The following ANKRD12 variants were observed in gnomAD, a reference collection of about 807,000 sequenced individuals.
ANKRD12 encodes the protein ankyrin repeat domain 12.
Under a neutral mutation model 183.4 loss-of-function variants are expected in ANKRD12, and 85 were observed. The observed-to-expected ratio is 0.46, with a 90% CI of 0.39 to 0.56. The LOEUF is 0.56. Ranked by LOEUF, ANKRD12 falls within the 20% of genes least tolerant of loss-of-function variation. The pLI is 0.00. For synonymous variants in ANKRD12, 914 were observed against 800.2 expected, an observed-to-expected ratio of 1.14 and a Z score of -2.40; for missense variants, 2,405 against 2,357.1, an observed-to-expected ratio of 1.02 and a Z score of -0.42.
chr18:9,238,284 C>T (rs765203645), intron 8 of ANKRD12, among the ~76,000 whole-genome samples: 2 of 152,180 alleles, frequency 1.3e-5, no homozygotes, highest in African/African-American at 2.4e-5. Flanking sequence ...ACCCTCTTCT[C>T]ATGCTGCATA....
rs139322809 is a variant in ANKRD12 at position 9,225,886 on chromosome 18, C to T, written c.943+3887C>T. On this transcript the variant is annotated intron_variant, in intron 8 of 12. Transcript: ENST00000262126. The stretch of plus-strand genomic sequence containing the variant: ...TGTACCCACTAACTACATTTAACAG[C>T]TGTTAATCTTTTGCTCTGTTTCCTT... Among the ~76,000 whole-genome samples, 989 of 152,088 alleles carry T rather than the reference C, an allele frequency of 6.5e-3. 7 individuals carry two copies. Among genetic ancestry groups the T allele is most frequent in the Middle Eastern group, 0.017 (5 of 294 alleles).
At chr18:9,150,306 C>T (rs997635423) in intron 1 of ANKRD12, among the ~76,000 whole-genome samples, 1 of 152,106 alleles carries the variant, frequency 6.6e-6, no homozygotes, top group African/African-American at 2.4e-5. Flanking sequence ...CTGTCTGAAG[C>T]ACTCCGTTAC....
chr18:9,185,628 ATATGTAGAAAG>A (rs986343321), intron 2 of ANKRD12, among the ~76,000 whole-genome samples: 1 of 152,218 alleles, frequency 6.6e-6, no homozygotes, highest in African/African-American at 2.4e-5. Flanking sequence ...ATATATGAGG[ATATGTAGAAAG>A]TATGGAGAAG....
At chr18:9,234,960 G>A (rs2037260683) in intron 8 of ANKRD12, among the ~76,000 whole-genome samples, 2 of 152,152 alleles carry the variant, frequency 1.3e-5, no homozygotes, top group Admixed American at 6.5e-5. Flanking sequence ...TCTCAGACAA[G>A]TAGGCTGCTT....
chr18:9,256,016 G>A lies in ANKRD12; in HGVS notation c.2749G>A (p.Glu917Lys). Reference protein sequence around the residue: ...MDRKHDKEKPEKERHLAESKE... With the variant: ...MDRKHDKEKPKKERHLAESKE... ...TAGGAAACATGACAAAGAAAAGCCT[G>A]AAAAAGAGAGGCATCTAGCAGAAAG... Residue 917 changes from glutamate to lysine, a missense_variant, in exon 9 of 13, where the codon GAA becomes AAA. By Grantham distance (56) the Glu-to-Lys change is moderately conservative. Coordinates refer to ENST00000262126, the MANE Select transcript of ANKRD12 (RefSeq NM_015208.5). The A allele has an allele frequency of 1.3e-6, 2 of 1,557,672 alleles. No individual in the cohort carries two copies. The highest frequency in any genetic ancestry group is 2.3e-5 in the East Asian group (1 of 43,720).
At chr18:9,182,334 C>CTTCAGGTAGGTG in intron 1 of ANKRD12, 48 bp from the exon 2 acceptor site, 1 of 507,656 alleles carries the variant, frequency 2.0e-6, no homozygotes, top group Non-Finnish European at 3.2e-6. Flanking sequence ...TGGTGCGTAA[C>CTTCAGGTAGGTG]CTATTGTATA....
intron 1 of ANKRD12, among the ~76,000 whole-genome samples, chr18:9,174,188 A>G (rs1389771477): frequency 6.6e-6 from 1 of 152,208 alleles, no homozygotes; most frequent in African/African-American, 2.4e-5. Flanking sequence ...AACTGCAGAA[A>G]TGGCAGCCGC....
At chr18:9,193,270 C>G (rs1417367350) in intron 2 of ANKRD12, among the ~76,000 whole-genome samples, 1 of 151,792 alleles carries the variant, frequency 6.6e-6, no homozygotes, top group Non-Finnish European at 1.5e-5. Flanking sequence ...TCCCAAGTAG[C>G]TAGGAACACA....
intron 10 of ANKRD12, among the ~76,000 whole-genome samples, chr18:9,266,165 G>A (rs1311152089): frequency 1.3e-5 from 2 of 152,206 alleles, no homozygotes; most frequent in African/African-American, 4.8e-5. Flanking sequence ...GTGACGGGGA[G>A]AATGGAACCA....
intron 2 of ANKRD12, among the ~76,000 whole-genome samples, chr18:9,190,526 C>T (rs983793085): frequency 6.6e-6 from 1 of 152,160 alleles, no homozygotes; most frequent in East Asian, 1.9e-4. Context: ...AAAAGAAGTT[C>T]TGTGGGTAAG....
rs138636942 is a variant in ANKRD12, at chr18:9,173,134, A to G, written c.-51-9248A>G. Reference sequence around the variant, plus strand: ...ACCCAGGCTGGAGTGCAGTGGCACAATCTTGGCTCACTGCAACCTCCGCCT... The same window carrying G: ...ACCCAGGCTGGAGTGCAGTGGCACAGTCTTGGCTCACTGCAACCTCCGCCT... On this transcript the variant is annotated intron_variant, in intron 1 of 12. Transcript: ENST00000262126. Among the ~76,000 whole-genome samples the G allele has an allele frequency of 6.2e-3, 930 of 151,004 alleles. 8 individuals carry two copies. Among genetic ancestry groups the G allele is most frequent in the African/African-American group, 0.021 (871 of 40,910 alleles).
chr18:9,138,986 A>T (rs942154930), intron 1 of ANKRD12, among the ~76,000 whole-genome samples: 1 of 152,136 alleles, frequency 6.6e-6, no homozygotes, highest in East Asian at 1.9e-4. Flanking sequence ...AAGTGTACTT[A>T]TGTAGGATAC....
intron 1 of ANKRD12, among the ~76,000 whole-genome samples, chr18:9,157,329 T>C (rs1413683298): frequency 6.6e-6 from 1 of 152,084 alleles, no homozygotes; most frequent in Non-Finnish European, 1.5e-5. Flanking sequence ...CCTGTCATCG[T>C]GTGGCTGACT....
intron 10 of ANKRD12, among the ~76,000 whole-genome samples, chr18:9,269,947 G>A (rs983463540): frequency 6.6e-6 from 1 of 152,208 alleles, no homozygotes; most frequent in Non-Finnish European, 1.5e-5. Context: ...CAACAAGTGG[G>A]TGAAGGATAT....
At chr18:9,192,351 A>G (rs2034504371) in intron 2 of ANKRD12, among the ~76,000 whole-genome samples, 1 of 152,180 alleles carries the variant, frequency 6.6e-6, no homozygotes, top group Non-Finnish European at 1.5e-5. Context: ...ATGAATTAAG[A>G]GGTTTTCTAT....
chr18:9,196,298 G>A (rs1260527393), intron 3 of ANKRD12, among the ~76,000 whole-genome samples: 1 of 150,966 alleles, frequency 6.6e-6, no homozygotes, highest in Non-Finnish European at 1.5e-5. Flanking sequence ...ATTGATACTT[G>A]AAATCAGCCA....
At chr18:9,138,490 G>A (rs1312619403) in intron 1 of ANKRD12, among the ~76,000 whole-genome samples, 3 of 152,174 alleles carry the variant, frequency 2.0e-5, no homozygotes, top group Non-Finnish European at 4.4e-5. Flanking sequence ...TCCAGCCTGG[G>A]CCACAAGAGC....
intron 2 of ANKRD12, among the ~76,000 whole-genome samples, chr18:9,192,862 T>C (rs1258714409): frequency 1.3e-5 from 2 of 151,860 alleles, no homozygotes; most frequent in East Asian, 3.9e-4. Flanking sequence ...TTAAAAATTT[T>C]TTATGGCGAT....
intron 10 of ANKRD12, among the ~76,000 whole-genome samples, chr18:9,267,245 T>G (rs1347011652): frequency 2.0e-5 from 3 of 152,104 alleles, no homozygotes; most frequent in Admixed American, 2.0e-4. Context: ...ATCCAGGAAT[T>G]GAACTCAGCT....
Sources: gnomAD v4.1 joint callset for allele counts (sites outside exome capture counted in the v4.1 genomes callset) on GRCh38, gnomAD v4.1.1 for gene constraint, MANE v1.5 for transcripts, NCBI Gene and HGNC (gene_info 2026-07-23, HGNC 2026-07-21) for gene names.